The following GIPC1 variants were observed in gnomAD, a reference collection of about 807,000 sequenced individuals.
GIPC1 encodes GIPC PDZ domain containing family member 1.
A neutral mutation model predicts 28.5 loss-of-function variants in GIPC1; 15 were observed. That is an observed-to-expected ratio of 0.53 (90% CI 0.35 to 0.81). The LOEUF is 0.81. GIPC1 is among the 30% of genes least tolerant of loss of function. GIPC1 has a pLI of 0.01. For synonymous variants in GIPC1, 224 were observed against 206.1 expected, an observed-to-expected ratio of 1.09 and a Z score of -0.74; for missense variants, 439 against 481.9, an observed-to-expected ratio of 0.91 and a Z score of 0.83.
At chr19:14,488,161 T>C (rs1286322999) in intron 3 of GIPC1, among the ~76,000 whole-genome samples, 2 of 152,098 alleles carry the variant, frequency 1.3e-5, no homozygotes, top group African/African-American at 2.4e-5. Flanking sequence ...AGAAAGGCCC[T>C]GAGCTGGGGC....
chr19:14,478,617 G>C lies in GIPC1; in HGVS notation c.851-50C>G, dbSNP rs1465419212. The C allele has an allele frequency of 6.2e-7, 1 of 1,612,912 alleles. No individual in the cohort carries two copies. The highest frequency in any genetic ancestry group is 1.1e-5 in the South Asian group (1 of 91,064). On this transcript the variant is annotated intron_variant, in intron 8 of 8. Coordinates refer to ENST00000393033, the MANE Select transcript of GIPC1 (RefSeq NM_005716.4). This position sits in a 1 kb window ranked among gnomAD's most constrained non-coding sequence, Gnocchi z 5.2. ...AGGCACAAATGACACCAGGGACCAA[G>C]GGGCTCAGGGTGGATTCGGCCCCCA... is the stretch of plus-strand genomic sequence containing the variant.
chr19:14,496,070 C>T lies in GIPC1; in HGVS notation c.-208G>A, dbSNP rs1200597333. ...CCGCCGCCGCCGCCGCCGCCGCCGC[C>T]GCCGCTGCCTCCGCCTCCCCGTGCG... On this transcript the variant is annotated 5_prime_UTR_variant, in exon 1 of 9. Transcript: ENST00000393033. 11 of 247,384 alleles carry T rather than the reference C, an allele frequency of 4.4e-5. No individual in the cohort carries two copies. The highest frequency in any genetic ancestry group is 2.1e-4 in the South Asian group (3 of 14,274). 15.3% of individuals were successfully genotyped at this position (247,384 alleles called of 1,614,324 possible). A position where few individuals can be genotyped will look rare whatever the true frequency, so the allele number is the denominator to read the frequency against.
chr19:14,488,816 G>A (rs999226711), intron 3 of GIPC1, among the ~76,000 whole-genome samples: 1 of 151,314 alleles, frequency 6.6e-6, no homozygotes, highest in African/African-American at 2.4e-5. Context: ...CCTGAACTGG[G>A]CATGCAATTG....
chr19:14,478,830 A>G lies in GIPC1; in HGVS notation c.769-65T>C. Reference sequence around the variant, plus strand: ...GTGAATATACATAGTAATTGGACGGACTGCCATTGTCACCACTTTACATAT... The same window carrying G: ...GTGAATATACATAGTAATTGGACGGGCTGCCATTGTCACCACTTTACATAT... On this transcript the variant is annotated intron_variant, in intron 7 of 8. Transcript: ENST00000393033. This position sits in a 1 kb window ranked among gnomAD's most constrained non-coding sequence, Gnocchi z 5.2. 1 of 1,182,128 alleles carries G rather than the reference A, an allele frequency of 8.5e-7. No individual in the cohort carries two copies. 73.2% of individuals were successfully genotyped at this position (1,182,128 alleles called of 1,614,324 possible).
chr19:14,479,102 T>C (rs2071666332), intron 7 of GIPC1, among the ~76,000 whole-genome samples: 2 of 152,112 alleles, frequency 1.3e-5, no homozygotes, highest in South Asian at 4.1e-4. Flanking sequence ...CCCAGCACTT[T>C]GGGAGGCCAA....
chr19:14,489,541 G>A (rs1367259461), intron 3 of GIPC1: 2 of 928,282 alleles, frequency 2.2e-6, no homozygotes, highest in Non-Finnish European at 3.6e-6. Flanking sequence ...GGCGACTAGT[G>A]GACAACAGAA....
chr19:14,481,455 G>A (rs2071727097), intron 4 of GIPC1, among the ~76,000 whole-genome samples: 1 of 152,102 alleles, frequency 6.6e-6, no homozygotes, highest in Non-Finnish European at 1.5e-5. Context: ...AGGTGCGGTG[G>A]CTCACGCCTG....
chr19:14,490,629 A>AT, intron 3 of GIPC1, among the ~76,000 whole-genome samples: 10 of 151,270 alleles, frequency 6.6e-5, no homozygotes, highest in Non-Finnish European at 1.3e-4. Flanking sequence ...GTGAGCTGAG[A>AT]CAGTGCCATT....
In GIPC1 at chr19:14,478,485, A is replaced by G. The variant is rs1350063540; in HGVS notation, c.933T>C (p.Phe311=). 6.2e-7 allele frequency: 1 copy of G among 1,613,804 alleles called. No homozygotes were observed. The highest frequency in any genetic ancestry group is 1.1e-5 in the South Asian group (1 of 91,070). ...AEALDERLGD[F]AFPDEFVFDV... ...CAAAGACGAACTCGTCAGGGAAGGC[A>G]AAGTCACCCAGCCGTTCGTCCAGGG... The change falls in exon 9 of 9, where the codon TTT becomes TTC. Residue 311 remains phenylalanine (F), a synonymous_variant. Coordinates refer to ENST00000393033, the MANE Select transcript of GIPC1 (RefSeq NM_005716.4). This position sits in a 1 kb window ranked among gnomAD's most constrained non-coding sequence, Gnocchi z 5.2.
In GIPC1 at chr19:14,478,392, T is replaced by C. The variant is rs1262574314; in HGVS notation, c.*24A>G. On this transcript the variant is annotated 3_prime_UTR_variant, in exon 9 of 9. Coordinates refer to ENST00000393033, the MANE Select transcript of GIPC1 (RefSeq NM_005716.4). The surrounding 1 kb of genome is among the most constrained non-coding windows in gnomAD (Gnocchi z 5.2). Reference sequence around the variant, plus strand: ...CCCCCACCAGGTTGCGCCCGGGTCATCATCGCAGGGTCCGGGGGCAGTCCT... The same window carrying C: ...CCCCCACCAGGTTGCGCCCGGGTCACCATCGCAGGGTCCGGGGGCAGTCCT... 1.3e-5 allele frequency: 20 copies of C among 1,585,258 alleles called. No homozygotes were observed. The highest frequency in any genetic ancestry group is 1.6e-5 in the Non-Finnish European group (19 of 1,164,796).
chr19:14,495,470 C>G (rs1005672293), intron 1 of GIPC1, among the ~76,000 whole-genome samples: 3 of 152,106 alleles, frequency 2.0e-5, no homozygotes, highest in African/African-American at 4.8e-5. Context: ...TGACCTTGGG[C>G]AAGTCACTCC....
chr19:14,495,673 A>T (rs1229531600), intron 1 of GIPC1, among the ~76,000 whole-genome samples: 1 of 152,012 alleles, frequency 6.6e-6, no homozygotes, highest in African/African-American at 2.4e-5. Context: ...AAGGCCCTGG[A>T]GGGTTCAGAC....
intron 1 of GIPC1, among the ~76,000 whole-genome samples, chr19:14,494,637 G>A (rs2072039489): frequency 6.6e-6 from 1 of 152,148 alleles, no homozygotes; most frequent in Non-Finnish European, 1.5e-5. Flanking sequence ...CACGTAGCAG[G>A]TGCTCACTAA....
At chr19:14,486,224 C>T (rs1205001106) in intron 3 of GIPC1, among the ~76,000 whole-genome samples, 1 of 152,184 alleles carries the variant, frequency 6.6e-6, no homozygotes, top group South Asian at 2.1e-4. Flanking sequence ...ACAGGGATCA[C>T]GTTATGCTAC....
intron 3 of GIPC1, among the ~76,000 whole-genome samples, chr19:14,490,312 A>G (rs11882474): frequency 0.5 from 74,675 of 149,280 alleles, 18,872 homozygotes; most frequent in South Asian, 0.66. Context: ...GTTGCGGTGA[A>G]TCAAGACCGT....
At chr19:14,486,655 G>C (rs2071850184) in intron 3 of GIPC1, among the ~76,000 whole-genome samples, 1 of 151,794 alleles carries the variant, frequency 6.6e-6, no homozygotes, top group Non-Finnish European at 1.5e-5. Context: ...AGACTTTTGG[G>C]GTTGTTTTCT....
At chr19:14,489,699 C>T (rs1850921409) in intron 3 of GIPC1, 3 of 749,516 alleles carry the variant, frequency 4.0e-6, no homozygotes, top group Admixed American at 3.9e-5. Context: ...AGGTCATGTA[C>T]ATTTTCATAT....
intron 3 of GIPC1, among the ~76,000 whole-genome samples, chr19:14,486,552 C>T (rs956459863): frequency 1.3e-5 from 2 of 152,062 alleles, no homozygotes; most frequent in Admixed American, 1.3e-4. Context: ...TGAGGCCGGG[C>T]CCTGAATGAC....
At chr19:14,482,502 G>T (rs1044219010) in intron 4 of GIPC1, 187 bp downstream of exon 4, 2 of 630,624 alleles carry the variant, frequency 3.2e-6, no homozygotes, top group Non-Finnish European at 5.6e-6. Context: ...AATTCACAGG[G>T]GCACAAGCCT....
Sources: allele counts gnomAD v4.1 joint callset (sites outside exome capture counted in the v4.1 genomes callset), GRCh38; gene constraint gnomAD v4.1.1; non-coding constraint Gnocchi (gnomAD v3.1); transcripts MANE v1.5; gene names NCBI Gene and HGNC (gene_info 2026-07-23, HGNC 2026-07-21).